CLEC16A: variants seen among roughly 807,000 people sequenced by gnomAD.
CLEC16A encodes protein CLEC16A.
CLEC16A carries 51 observed loss-of-function variants against 109.5 expected under a neutral mutation model. The observed-to-expected ratio is 0.47, with a 90% confidence interval of 0.37 to 0.59. The LOEUF is 0.59. CLEC16A is among the 20% of genes least tolerant of loss of function. The pLI is 0.00. For synonymous variants in CLEC16A, 673 were observed against 564.2 expected, an observed-to-expected ratio of 1.19 and a Z score of -2.73; for missense variants, 1,339 against 1,394.0, an observed-to-expected ratio of 0.96 and a Z score of 0.63.
intron 19 of CLEC16A, chr16:11,066,731 G>A (rs914402145): frequency 2.0e-5 from 3 of 152,198 alleles, no homozygotes; most frequent in Admixed American, 6.5e-5. Context: ...AGATCATGTG[G>A]TGTGTAAGGG....
chr16:10,999,918 C>A (rs776712602), intron 10 of CLEC16A, among the ~76,000 whole-genome samples: 27 of 152,194 alleles, frequency 1.8e-4, no homozygotes, highest in Non-Finnish European at 3.4e-4. Flanking sequence ...TTTACTTCAA[C>A]CTCCGCCTCC....
rs1192527896 is a variant in CLEC16A at position 10,949,209 on chromosome 16, C to T, written c.80+4412C>T. 3.9e-5 allele frequency among the ~76,000 whole-genome samples: 6 copies of T among 152,328 alleles called. 1 individual carries two copies. In the East Asian group the frequency reaches 1.2e-3, roughly 29 times the overall value. ...TGCTTTCAAGTTTTGGCTAAGGTGGCACTGACAGTGTTAGAGCTTGGGGTA... is the reference window on the plus strand; with the variant it reads ...TGCTTTCAAGTTTTGGCTAAGGTGGTACTGACAGTGTTAGAGCTTGGGGTA... On this transcript the variant is annotated intron_variant, in intron 1 of 23. Coordinates refer to ENST00000409790, the MANE Select transcript of CLEC16A (RefSeq NM_015226.3).
chr16:10,959,069 G>A (rs1596746330), intron 2 of CLEC16A, among the ~76,000 whole-genome samples: 1 of 150,572 alleles, frequency 6.6e-6, no homozygotes, highest in South Asian at 2.1e-4. Flanking sequence ...TATAAATATT[G>A]AGGCCACTTT....
intron 10 of CLEC16A, among the ~76,000 whole-genome samples, chr16:10,998,991 G>GAAAAAAC (rs113951476): frequency 1.3e-5 from 2 of 151,852 alleles, no homozygotes; most frequent in African/African-American, 4.8e-5. Context: ...TTAGCTTTAA[G>GAAAAAAC]AAAAAACAAA....
At chr16:11,122,479 CT>C (rs113319319) in intron 20 of CLEC16A, among the ~76,000 whole-genome samples, 6,472 of 151,190 alleles carry the variant, frequency 0.043, 449 homozygotes, top group African/African-American at 0.15. Flanking sequence ...CCACATAAAC[CT>C]TTTTTTTTGG....
At chr16:11,167,852 T>C (rs1357519207) in intron 23 of CLEC16A, among the ~76,000 whole-genome samples, 1 of 152,206 alleles carries the variant, frequency 6.6e-6, no homozygotes, top group East Asian at 1.9e-4. Context: ...GGCTTGTAGC[T>C]GGGAAACTCC....
intron 12 of CLEC16A, among the ~76,000 whole-genome samples, chr16:11,023,169 G>T (rs565081986): frequency 6.8e-6 from 1 of 147,286 alleles, no homozygotes; most frequent in Admixed American, 6.8e-5. Flanking sequence ...AGCTTGGACC[G>T]TATTGTGTCT....
At chr16:10,995,853 A>G (rs2044295555) in intron 10 of CLEC16A, among the ~76,000 whole-genome samples, 1 of 152,072 alleles carries the variant, frequency 6.6e-6, no homozygotes, top group Non-Finnish European at 1.5e-5. Context: ...CCTACTTCTC[A>G]AATCGCTTAG....
intron 18 of CLEC16A, among the ~76,000 whole-genome samples, chr16:11,055,128 G>T (rs1192782846): frequency 1.3e-5 from 2 of 152,074 alleles, no homozygotes; most frequent in African/African-American, 4.8e-5. Context: ...GTTAGCCTTG[G>T]GGGTGAAGAA....
At chr16:11,157,584 G>T (rs1041199873) in intron 22 of CLEC16A, among the ~76,000 whole-genome samples, 12 of 152,328 alleles carry the variant, frequency 7.9e-5, no homozygotes, top group Non-Finnish European at 8.8e-5. Context: ...GCCCCCCAAG[G>T]CTCCTGCAGG....
At chr16:11,091,483 A>G (rs1287215685) in intron 19 of CLEC16A, among the ~76,000 whole-genome samples, 1 of 152,102 alleles carries the variant, frequency 6.6e-6, no homozygotes, top group Admixed American at 6.5e-5. Context: ...TTCTGCACCT[A>G]CTGAGTCTCA....
chr16:11,120,876 G>GATATT, intron 20 of CLEC16A, 110 bp downstream of exon 20: 1 of 1,102,388 alleles, frequency 9.1e-7, no homozygotes, highest in Non-Finnish European at 1.2e-6. Context: ...AATTTGTAGT[G>GATATT]ATATTATACA....
At chr16:11,034,739 G>C (rs115986960) in intron 13 of CLEC16A, among the ~76,000 whole-genome samples, 2,110 of 152,252 alleles carry the variant, frequency 0.014, 34 homozygotes, top group African/African-American at 0.047. Context: ...GGTTTCTTTG[G>C]AATTTGTCTG....
chr16:10,947,941 T>TG (rs2041484634), intron 1 of CLEC16A, among the ~76,000 whole-genome samples: 1 of 152,144 alleles, frequency 6.6e-6, no homozygotes, highest in East Asian at 1.9e-4. Context: ...TTGCCCAGGC[T>TG]GGAGTGCAGT....
chr16:11,161,539 C>T (rs1205611316), intron 22 of CLEC16A, among the ~76,000 whole-genome samples: 4 of 151,716 alleles, frequency 2.6e-5, no homozygotes, highest in Admixed American at 6.5e-5. Flanking sequence ...CACTCCTATG[C>T]ACACCCAGTG....
intron 22 of CLEC16A, among the ~76,000 whole-genome samples, chr16:11,153,338 G>C (rs1446334387): frequency 6.6e-6 from 1 of 152,074 alleles, no homozygotes; most frequent in Non-Finnish European, 1.5e-5. Context: ...CTTGAAGGAA[G>C]AGGATGACAA....
intron 19 of CLEC16A, among the ~76,000 whole-genome samples, chr16:11,085,749 A>T (rs2049975628): frequency 6.6e-6 from 1 of 152,062 alleles, no homozygotes; most frequent in South Asian, 2.1e-4. Context: ...GCGCCACCAC[A>T]CCCAGCTCAT....
At position 10,982,941 on chromosome 16, in the gene CLEC16A, G is replaced by T. The variant is rs1483125387; in HGVS notation, c.1021G>T (p.Asp341Tyr). ...NSLAEVILNG[D>Y]LSEMYAKTEQ... is the part of the protein sequence containing the mutation. ...GTTAGCTGAAGTCATTCTGAATGGT[G>T]ATCTGTCTGAGATGTACGCTAAGAC... Residue 341 changes from aspartate (D) to tyrosine (Y), a missense_variant, in exon 10 of 24, where the codon GAT becomes TAT. Asp to Tyr is a radical substitution (Grantham distance 160). Around this residue, in one of 3 missense-constraint regions of CLEC16A, gnomAD observed 1,061 missense variants for 1,006.8 expected, o/e 1.05. Transcript: ENST00000409790. The T allele has an allele frequency of 1.2e-6, 2 of 1,613,252 alleles. No homozygotes were observed. The highest frequency in any genetic ancestry group is 1.7e-6 in the Non-Finnish European group (2 of 1,179,206).
intron 8 of CLEC16A, among the ~76,000 whole-genome samples, chr16:10,978,696 G>A (rs1202752995): frequency 6.6e-6 from 1 of 152,192 alleles, no homozygotes; most frequent in Non-Finnish European, 1.5e-5. Flanking sequence ...AGGTGAATAA[G>A]CGCCTTAGCT....
Sources: gnomAD v4.1 joint callset for allele counts (sites outside exome capture counted in the v4.1 genomes callset) on GRCh38, gnomAD v4.1.1 for gene constraint, gnomAD v4.1.1 regional missense constraint, MANE v1.5 for transcripts, NCBI Gene and HGNC (gene_info 2026-07-23, HGNC 2026-07-21) for gene names.